The following TESK2 variants were observed in gnomAD, a reference collection of about 807,000 sequenced individuals.
TESK2 encodes dual specificity testis-specific protein kinase 2.
TESK2 carries 39 observed loss-of-function variants against 57.1 expected under a neutral mutation model. The ratio of observed to expected loss-of-function variants is 0.68; its 90% confidence interval spans 0.53 to 0.89. The LOEUF (loss-of-function observed/expected upper bound fraction) is 0.89. Among genes scored for constraint, TESK2 ranks in the 40% least tolerant of loss-of-function variants. TESK2 has a pLI of 0.00. For synonymous variants in TESK2, 249 were observed against 267.9 expected, an observed-to-expected ratio of 0.93 and a Z score of 0.69; for missense variants, 646 against 732.1, an observed-to-expected ratio of 0.88 and a Z score of 1.36.
rs370623280 is a variant in TESK2, at chr1:45,343,937, CA to C, written c.*902del. The C allele has an allele frequency of 0.039, 12,554 of 324,264 alleles. No individual in the cohort carries two copies. The highest frequency in any genetic ancestry group is 0.065 in the Middle Eastern group (76 of 1,172). 20.1% of individuals were successfully genotyped at this position (324,264 alleles called of 1,614,324 possible). On this transcript the variant is annotated 3_prime_UTR_variant, in exon 11 of 11. Transcript: ENST00000372086. This position sits in a 1 kb window ranked among gnomAD's most constrained non-coding sequence, Gnocchi z 4.3. ...CTGAAAATGTCTTGGGAAAGTTTTACAAAAAAAAAAATCAACAGAAGCAAGT... is the reference window on the plus strand; with the variant it reads ...CTGAAAATGTCTTGGGAAAGTTTTACAAAAAAAAAATCAACAGAAGCAAGT...
intron 4 of TESK2, among the ~76,000 whole-genome samples, chr1:45,355,923 T>C (rs1320598401): frequency 6.6e-6 from 1 of 152,112 alleles, no homozygotes; most frequent in Non-Finnish European, 1.5e-5. Flanking sequence ...TATAGATGAG[T>C]CAGGAAGTGA....
chr1:45,347,083 G>A, intron 7 of TESK2, 21 bp from the exon 8 acceptor site: 3 of 1,612,654 alleles, frequency 1.9e-6, no homozygotes, highest in Non-Finnish European at 2.5e-6. Context: ...GTCGGACTTT[G>A]GTTTCCCTCT....
At chr1:45,455,082 C>G (rs1652020032) in intron 2 of TESK2, among the ~76,000 whole-genome samples, 2 of 152,148 alleles carry the variant, frequency 1.3e-5, no homozygotes, top group Admixed American at 6.5e-5. Flanking sequence ...CACTTTGGCC[C>G]ACTTCCTGGT....
chr1:45,386,369 A>G (rs1648896425), intron 3 of TESK2, among the ~76,000 whole-genome samples: 1 of 137,986 alleles, frequency 7.2e-6, no homozygotes, highest in Admixed American at 7.3e-5. Flanking sequence ...AAAAAAAGAG[A>G]CTGCATCTAA....
chr1:45,466,838 G>A (rs1652573748), intron 1 of TESK2, among the ~76,000 whole-genome samples: 1 of 151,588 alleles, frequency 6.6e-6, no homozygotes, highest in Non-Finnish European at 1.5e-5. Flanking sequence ...TCTGAAAAAT[G>A]AAAATAAAAA....
chr1:45,344,160 C>A lies in TESK2; in HGVS notation c.*680G>T, dbSNP rs544032809. The A allele has an allele frequency of 6.2e-6, 1 of 161,322 alleles. No individual in the cohort carries two copies. The highest frequency in any genetic ancestry group is 1.8e-4 in the East Asian group (1 of 5,644). The allele number at this position is 161,322 out of a possible 1,614,324, so 10.0% of individuals were successfully genotyped here. ...TAGGGCCTACAAAACCAGCCCCACT[C>A]CCAACCACAAGGTTGAAAGTCTTAT... On this transcript the variant is annotated 3_prime_UTR_variant, in exon 11 of 11. Transcript: ENST00000372086.
At chr1:45,474,235 G>A (rs1217391278) in intron 1 of TESK2, among the ~76,000 whole-genome samples, 1 of 152,000 alleles carries the variant, frequency 6.6e-6, no homozygotes, top group Non-Finnish European at 1.5e-5. Context: ...TACTCAGGAG[G>A]CTGAGGCATG....
At chr1:45,368,919 TTG>T (rs1449417516) in intron 4 of TESK2, among the ~76,000 whole-genome samples, 3 of 150,924 alleles carry the variant, frequency 2.0e-5, no homozygotes, top group African/African-American at 4.9e-5. Context: ...TGGCTAATTT[TTG>T]TGTGTGTGTT....
At chr1:45,450,553 T>TA (rs144019485) in intron 2 of TESK2, among the ~76,000 whole-genome samples, 36,592 of 151,938 alleles carry the variant, frequency 0.24, 4,545 homozygotes, top group East Asian at 0.36. Context: ...GCCTCTTAAA[T>TA]AAAAAATTAA....
At chr1:45,379,252 C>A (rs946794644) in intron 4 of TESK2, among the ~76,000 whole-genome samples, 17 of 152,132 alleles carry the variant, frequency 1.1e-4, no homozygotes, top group African/African-American at 4.1e-4. Flanking sequence ...TGAAGCCTTG[C>A]CCTCCTGGGC....
chr1:45,345,278 CAG>C lies in TESK2; in HGVS notation c.1276_1277del (p.Leu426GlyfsTer3). The C allele has an allele frequency of 1.2e-6, 2 of 1,614,172 alleles. No homozygotes were observed. The highest frequency in any genetic ancestry group is 1.7e-6 in the Non-Finnish European group (2 of 1,180,036). ...FDLPSKSVISLVFDLDAPGPG... is the reference protein window; with the variant it reads ...FDLPSKSVISXVFDLDAPGPG... ...GCCCTGGTGCATCCAGGTCAAATAC[CAG>C]AGAGATGACAGACTTGCTGGGCAGG... On this transcript the variant is annotated frameshift_variant, in exon 11 of 11. Coordinates refer to ENST00000372086, the MANE Select transcript of TESK2 (RefSeq NM_007170.3). LOFTEE classifies it high-confidence loss of function.
intron 3 of TESK2, among the ~76,000 whole-genome samples, chr1:45,409,961 T>C (rs1300707044): frequency 6.6e-6 from 1 of 152,130 alleles, no homozygotes; most frequent in Non-Finnish European, 1.5e-5. Flanking sequence ...GGCCAGGAGT[T>C]TGAGACCAGC....
At chr1:45,425,145 C>G (rs1309853459) in intron 2 of TESK2, among the ~76,000 whole-genome samples, 1 of 152,080 alleles carries the variant, frequency 6.6e-6, no homozygotes, top group African/African-American at 2.4e-5. Context: ...TGATTATGAT[C>G]TTGTATTTGG....
chr1:45,368,011 T>TA (rs1380245711), intron 4 of TESK2, among the ~76,000 whole-genome samples: 1 of 149,360 alleles, frequency 6.7e-6, no homozygotes, highest in Admixed American at 6.7e-5. Flanking sequence ...TTTTTTTTTT[T>TA]GAGATGGAGT....
intron 3 of TESK2, chr1:45,399,057 G>A: frequency 2.5e-6 from 1 of 394,642 alleles, no homozygotes; most frequent in Non-Finnish European, 4.8e-6. Flanking sequence ...ATACCATGTA[G>A]TTTTGTGCCT....
intron 5 of TESK2, among the ~76,000 whole-genome samples, chr1:45,353,587 T>C (rs1452230445): frequency 1.3e-5 from 2 of 152,196 alleles, no homozygotes; most frequent in African/African-American, 4.8e-5. Flanking sequence ...TGTGCATGCA[T>C]ATGTGAATAT....
At chr1:45,345,633 T>A in intron 10 of TESK2, 75 bp from the exon 11 acceptor site, 1 of 1,381,836 alleles carries the variant, frequency 7.2e-7, no homozygotes, top group Non-Finnish European at 1.0e-6. Flanking sequence ...CAGAATGTTT[T>A]CACTCATGAA....
chr1:45,379,388 G>A (rs892606267), intron 4 of TESK2, among the ~76,000 whole-genome samples: 1 of 152,070 alleles, frequency 6.6e-6, no homozygotes, highest in East Asian at 1.9e-4. Context: ...GGTCTTGAAC[G>A]CCTGGCCTCA....
Position 45,355,438 on chromosome 1 carries a change from G to A in TESK2, c.405C>T (p.Ser135=), listed in dbSNP as rs761181095. ...QLHALTEYIN[S]GNLEQLLDSN... is the part of the protein sequence containing the mutation. ...TGTCTAGCAACTGTTCCAGGTTCCC[G>A]GAGTTGATATACTGCAAAACAGAAG... Residue 135 remains serine, a synonymous_variant, in exon 5 of 11, where the codon TCC becomes TCT. Transcript: ENST00000372086. 46 of 1,608,388 alleles carry A rather than the reference G, an allele frequency of 2.9e-5. No homozygotes were observed. The highest frequency in any genetic ancestry group is 9.0e-5 in the East Asian group (4 of 44,626).
Sources: allele counts gnomAD v4.1 joint callset (sites outside exome capture counted in the v4.1 genomes callset), GRCh38; gene constraint gnomAD v4.1.1; non-coding constraint Gnocchi (gnomAD v3.1); transcripts MANE v1.5; gene names NCBI Gene and HGNC (gene_info 2026-07-23, HGNC 2026-07-21).